RASAL2: variants seen among roughly 807,000 people sequenced by gnomAD.
RASAL2 encodes the protein ras GTPase-activating protein nGAP.
Under a neutral mutation model 128.9 loss-of-function variants are expected in RASAL2, and 58 were observed. The observed-to-expected ratio is 0.45, with a 90% CI of 0.36 to 0.56. RASAL2 has a LOEUF of 0.56. Among genes scored for constraint, RASAL2 ranks in the 20% least tolerant of loss-of-function variants. The probability of loss-of-function intolerance (pLI) is 0.00; values close to 1 mark genes in which losing one functional copy is unlikely to be tolerated. For missense variants in RASAL2, 1,360 were observed against 1,601.6 expected (o/e 0.85, Z 2.57); for synonymous variants, 561 against 580.8 (o/e 0.97, Z 0.49).
intron 3 of RASAL2, among the ~76,000 whole-genome samples, chr1:178,361,118 A>T (rs1354686587): frequency 6.6e-6 from 1 of 152,222 alleles, no homozygotes; most frequent in Admixed American, 6.5e-5. Context: ...TCTGAGGTAG[A>T]TAATAATGTA....
intron 3 of RASAL2, among the ~76,000 whole-genome samples, chr1:178,314,232 A>G (rs944999293): frequency 1.3e-5 from 2 of 152,192 alleles, no homozygotes; most frequent in Admixed American, 1.3e-4. Context: ...TTTTATACCT[A>G]GGTTAGGAAT....
intron 3 of RASAL2, among the ~76,000 whole-genome samples, chr1:178,321,000 G>A (rs1668744730): frequency 6.6e-6 from 1 of 152,170 alleles, no homozygotes; most frequent in African/African-American, 2.4e-5. Flanking sequence ...TTAGCAGATT[G>A]TGAAAGTTTT....
rs1217463815 is a variant in RASAL2 at position 178,182,382 on chromosome 1, T to C, written c.202+87688T>C. On this transcript the variant is annotated intron_variant, in intron 1 of 17. Transcript: ENST00000367649. Reference sequence around the variant, plus strand: ...TTCTCCAAAGAGCCCTGGTTCCTTTTATTGGAGAATAATATTAGAAGTCAT... The same window carrying C: ...TTCTCCAAAGAGCCCTGGTTCCTTTCATTGGAGAATAATATTAGAAGTCAT... Among the ~76,000 whole-genome samples, 3 of 152,306 alleles carry C rather than the reference T, an allele frequency of 2.0e-5. No homozygotes were observed. In the East Asian group the frequency reaches 5.8e-4, roughly 29 times the overall value.
intron 2 of RASAL2, among the ~76,000 whole-genome samples, chr1:178,296,624 A>G (rs1271175964): frequency 1.3e-5 from 2 of 150,416 alleles, no homozygotes; most frequent in East Asian, 3.9e-4. Context: ...TGACCTCCCA[A>G]AGTGCTGCGA....
Position 178,465,962 on chromosome 1 carries a change from T to G in RASAL2, c.3430T>G (p.Ser1144Ala). 6.4e-7 allele frequency: 1 copy of G among 1,555,610 alleles called. No homozygotes were observed. Among genetic ancestry groups the G allele is most frequent in the Non-Finnish European group, 8.7e-7 (1 of 1,148,790 alleles). The change falls in exon 16 of 18, where the codon TCC becomes GCC. Residue 1144 changes from serine to alanine, a missense_variant. By Grantham distance (99) the Ser-to-Ala change is moderately conservative (BLOSUM62 1). Around this residue, in one of 3 missense-constraint regions of RASAL2, gnomAD observed 741 missense variants for 868.6 expected, o/e 0.85. Transcript: ENST00000367649. The part of the protein sequence containing the change: ...ITKLKERLRV[S>A]SRRLEEYERR... ...TAAACTGAAGGAGCGCCTGAGAGTT[T>G]CCAGCCGGCGACTGGAGGAATATGA...
chr1:178,131,364 G>A (rs995461435), intron 1 of RASAL2, among the ~76,000 whole-genome samples: 5 of 143,888 alleles, frequency 3.5e-5, no homozygotes, highest in Admixed American at 1.4e-4. Flanking sequence ...GCACTACCAC[G>A]CCTGGATAAT....
chr1:178,352,051 GA>G (rs1670540446), intron 3 of RASAL2, among the ~76,000 whole-genome samples: 1 of 152,180 alleles, frequency 6.6e-6, no homozygotes, highest in Non-Finnish European at 1.5e-5. Context: ...GTCTATTTCA[GA>G]AAAATTGAAT....
intron 4 of RASAL2, among the ~76,000 whole-genome samples, chr1:178,402,758 A>G (rs2102663646): frequency 6.6e-6 from 1 of 152,280 alleles, no homozygotes; most frequent in East Asian, 1.9e-4. Flanking sequence ...TTCAATAACT[A>G]ATAGGCTCAA....
intron 1 of RASAL2, among the ~76,000 whole-genome samples, chr1:178,099,018 A>G (rs907836317): frequency 1.3e-5 from 2 of 152,224 alleles, no homozygotes; most frequent in African/African-American, 2.4e-5. Context: ...GTTGTATTAT[A>G]TGATACTGCT....
chr1:178,216,826 C>G (rs910490650), intron 1 of RASAL2, among the ~76,000 whole-genome samples: 5 of 151,970 alleles, frequency 3.3e-5, no homozygotes, highest in Admixed American at 6.6e-5. Flanking sequence ...TTGAACCACT[C>G]TTTTGAAATC....
At chr1:178,451,146 A>G (rs538841826) in intron 9 of RASAL2, among the ~76,000 whole-genome samples, 2 of 152,248 alleles carry the variant, frequency 1.3e-5, no homozygotes, top group Non-Finnish European at 2.9e-5. Flanking sequence ...CACCAACATT[A>G]GCACTTAAAA....
chr1:178,416,426 A>G (rs1363356365), intron 4 of RASAL2, among the ~76,000 whole-genome samples: 1 of 152,066 alleles, frequency 6.6e-6, no homozygotes, highest in Non-Finnish European at 1.5e-5. Context: ...ATAAGCATAT[A>G]TATCATATAG....
chr1:178,313,218 G>A (rs926358815), intron 3 of RASAL2, among the ~76,000 whole-genome samples: 2 of 152,174 alleles, frequency 1.3e-5, no homozygotes, highest in Non-Finnish European at 2.9e-5. Context: ...ATAGGAGTAT[G>A]TATGCACCTA....
chr1:178,253,830 C>G (rs978402767), intron 1 of RASAL2, among the ~76,000 whole-genome samples: 1 of 152,096 alleles, frequency 6.6e-6, no homozygotes, highest in Non-Finnish European at 1.5e-5. Flanking sequence ...CAGGAACAGG[C>G]CATTTTCACT....
chr1:178,170,080 C>T (rs1319902720), intron 1 of RASAL2, among the ~76,000 whole-genome samples: 1 of 151,870 alleles, frequency 6.6e-6, no homozygotes, highest in Non-Finnish European at 1.5e-5. Context: ...ATTTAAATTG[C>T]TCCTTATTTC....
chr1:178,316,693 T>C (rs1668505817), intron 3 of RASAL2, among the ~76,000 whole-genome samples: 1 of 74,308 alleles, frequency 1.3e-5, no homozygotes, highest in Non-Finnish European at 2.3e-5. Flanking sequence ...GATTTTGGGC[T>C]GAGACGATGG....
chr1:178,434,778 A>G (rs996137511), intron 5 of RASAL2, among the ~76,000 whole-genome samples: 1 of 151,758 alleles, frequency 6.6e-6, no homozygotes, highest in South Asian at 2.1e-4. Context: ...AGGGAGGAAA[A>G]CCTTTAAAAT....
intron 1 of RASAL2, among the ~76,000 whole-genome samples, chr1:178,221,183 G>A (rs1208656339): frequency 6.6e-6 from 1 of 152,146 alleles, no homozygotes; most frequent in Admixed American, 6.5e-5. Flanking sequence ...ATACTTTGTG[G>A]AGCATCTTTT....
intron 3 of RASAL2, among the ~76,000 whole-genome samples, chr1:178,305,022 A>G (rs1667927553): frequency 6.6e-6 from 1 of 152,222 alleles, no homozygotes; most frequent in Admixed American, 6.5e-5. Flanking sequence ...ACAATCTGAA[A>G]AAAAGAAATT....
Sources: gnomAD v4.1 joint callset for allele counts (sites outside exome capture counted in the v4.1 genomes callset) on GRCh38, gnomAD v4.1.1 for gene constraint, gnomAD v4.1.1 regional missense constraint, MANE v1.5 for transcripts, NCBI Gene and HGNC (gene_info 2026-07-23, HGNC 2026-07-21) for gene names.